The following OR4K1 variants were observed in gnomAD, a reference collection of about 807,000 sequenced individuals.
OR4K1 encodes olfactory receptor 4K1.
OR4K1 carries 16 observed loss-of-function variants against 14.4 expected under a neutral mutation model. The observed-to-expected ratio is 1.11, with a 90% confidence interval of 0.75 to 1.68. The LOEUF is 1.68. OR4K1 is among the 40% of genes most tolerant of loss of function. OR4K1 has a pLI of 0.00. For missense variants in OR4K1, 548 were observed against 376.9 expected (o/e 1.45, Z -3.76); for synonymous variants, 181 against 133.1 (o/e 1.36, Z -2.48).
At chr14:19,928,534 A>G (rs997405620), upstream of OR4K1, among the ~76,000 whole-genome samples, 7 of 152,006 alleles carry the variant, frequency 4.6e-5, no homozygotes, top group Non-Finnish European at 7.4e-5. Flanking sequence ...TAAAATTCCT[A>G]TTTGTTTATT....
At chr14:19,930,584 G>T (rs949172598), upstream of OR4K1, among the ~76,000 whole-genome samples, 2 of 152,208 alleles carry the variant, frequency 1.3e-5, no homozygotes, top group Non-Finnish European at 2.9e-5. Context: ...CTGAGGCGAG[G>T]TGATAATTTT....
At chr14:19,932,435 G>C (rs190593433) in intron 1 of OR4K1, among the ~76,000 whole-genome samples, 43 of 150,934 alleles carry the variant, frequency 2.8e-4, no homozygotes, top group African/African-American at 1.0e-3. Flanking sequence ...CTCCACTCCC[G>C]TGTAAATGCC....
the OR4K1 span, chr14:19,921,695 T>C: frequency 9.0e-7 from 1 of 1,106,488 alleles, no homozygotes; most frequent in Non-Finnish European, 1.3e-6. Context: ...GAACATTTAA[T>C]GAATATTAAC....
upstream of OR4K1, among the ~76,000 whole-genome samples, chr14:19,928,579 T>A (rs1882111405): frequency 6.6e-6 from 1 of 152,194 alleles, no homozygotes. Flanking sequence ...GGGTTTTTAT[T>A]TTTAATTGGG....
chr14:19,926,301 A>G (rs906088753), upstream of OR4K1, among the ~76,000 whole-genome samples: 2 of 152,226 alleles, frequency 1.3e-5, no homozygotes, highest in Non-Finnish European at 2.9e-5. Context: ...CTGAACATTT[A>G]TAGTTTGTTC....
chr14:19,928,893 T>G (rs1882120574), upstream of OR4K1, among the ~76,000 whole-genome samples: 1 of 152,138 alleles, frequency 6.6e-6, no homozygotes, highest in Non-Finnish European at 1.5e-5. Context: ...GGAATTAGTC[T>G]CATTGGTCAT....
chr14:19,933,233 T>A (rs892743135), intron 1 of OR4K1, among the ~76,000 whole-genome samples: 4 of 30,158 alleles, frequency 1.3e-4, no homozygotes, highest in African/African-American at 1.8e-4. Flanking sequence ...TGTAAAGGAT[T>A]TTTTTTTTGC....
At chr14:19,927,705 G>C (rs1219817919), upstream of OR4K1, among the ~76,000 whole-genome samples, 6 of 152,200 alleles carry the variant, frequency 3.9e-5, no homozygotes, top group Non-Finnish European at 2.9e-5. Context: ...CCATTTGGTG[G>C]CAAATCAACT....
At chr14:19,935,224 C>A (rs1371482807) in intron 1 of OR4K1, among the ~76,000 whole-genome samples, 1 of 152,018 alleles carries the variant, frequency 6.6e-6, no homozygotes, top group Non-Finnish European at 1.5e-5. Context: ...AAGACTTTTC[C>A]TTCACTTTTG....
chr14:19,921,406 T>C, the OR4K1 span: 1 of 1,614,180 alleles, frequency 6.2e-7, no homozygotes, highest in Non-Finnish European at 8.5e-7. Context: ...ATCTCTCCTT[T>C]GGATAAATTT....
chr14:19,935,755 T>A lies in OR4K1; in HGVS notation c.89T>A (p.Ile30Asn), dbSNP rs1220971156. 6 of 1,613,850 alleles carry A rather than the reference T, an allele frequency of 3.7e-6. No homozygotes were observed. The Admixed American group carries it at 6.7e-5, about 18-fold the overall frequency. The change falls in exon 2 of 2, where the codon ATC (isoleucine) becomes AAC (asparagine). Residue 30 changes from isoleucine (I) to asparagine (N), a missense_variant. Ile to Asn is a moderately radical substitution (Grantham distance 149, BLOSUM62 -3). Coordinates refer to ENST00000641172, the MANE Select transcript of OR4K1 (RefSeq NM_001004063.3). ...GGACTTCAACTTTTCTTTTTTGCCA[T>A]CTTCTCTATAGTCTATGTGACATCA... is the stretch of plus-strand genomic sequence containing the variant. ...SWGLQLFFFAIFSIVYVTSVL... is the reference protein window; with the variant it reads ...SWGLQLFFFANFSIVYVTSVL...
the OR4K1 span, among the ~76,000 whole-genome samples, chr14:19,922,142 GAT>G: frequency 2.0e-5 from 3 of 151,860 alleles, no homozygotes; most frequent in Non-Finnish European, 4.4e-5. Context: ...AATATGGAAT[GAT>G]ACATACTCAG....
At chr14:19,924,276 T>G in the OR4K1 span, among the ~76,000 whole-genome samples, 2 of 152,024 alleles carry the variant, frequency 1.3e-5, no homozygotes, top group Non-Finnish European at 2.9e-5. Context: ...GGCACATGCC[T>G]ATAGTCCCAG....
At chr14:19,925,494 T>G in the OR4K1 span, among the ~76,000 whole-genome samples, 1 of 152,290 alleles carries the variant, frequency 6.6e-6, no homozygotes, top group Non-Finnish European at 1.5e-5. Context: ...TTAGGGGATT[T>G]GTTTATGGTA....
At position 19,935,865 on chromosome 14, in the gene OR4K1, T is replaced by C. The variant is rs1566502926; in HGVS notation, c.199T>C (p.Ser67Pro). The stretch of plus-strand genomic sequence containing the variant: ...TATGTACTTCTTGCTCAGTAATCTT[T>C]CTTTCATTGATATCTGTCAGTCTAA... ...SPMYFLLSNL[S>P]FIDICQSNFA... is the part of the protein sequence containing the mutation. Residue 67 changes from serine to proline, a missense_variant, in exon 2 of 2, where the codon TCT (serine) becomes CCT (proline). By Grantham distance (74) the Ser-to-Pro change is moderately conservative (BLOSUM62 -1). Transcript: ENST00000641172. 1 of 1,614,274 alleles carries C rather than the reference T, an allele frequency of 6.2e-7. No individual in the cohort carries two copies. The highest frequency in any genetic ancestry group is 8.5e-7 in the Non-Finnish European group (1 of 1,180,052).
At chr14:19,929,359 CTGTGTGTGTG>C (rs59130422), upstream of OR4K1, among the ~76,000 whole-genome samples, 5,114 of 144,316 alleles carry the variant, frequency 0.035, 79 homozygotes, top group East Asian at 0.085. Context: ...ATATCACACT[CTGTGTGTGTG>C]TGTGTGTGTG....
chr14:19,923,724 A>C, the OR4K1 span, among the ~76,000 whole-genome samples: 1 of 152,236 alleles, frequency 6.6e-6, no homozygotes, highest in South Asian at 2.1e-4. Flanking sequence ...TGAAGAGTGT[A>C]TTAGTAAATC....
At chr14:19,934,559 T>G (rs1882259625) in intron 1 of OR4K1, among the ~76,000 whole-genome samples, 1 of 152,278 alleles carries the variant, frequency 6.6e-6, no homozygotes, top group South Asian at 2.1e-4. Flanking sequence ...TGTTAAAAGG[T>G]TGAAAGGAAG....
the OR4K1 span, chr14:19,921,121 A>G: frequency 6.2e-7 from 1 of 1,614,168 alleles, no homozygotes; most frequent in Non-Finnish European, 8.5e-7. Context: ...TGTGGACCTA[A>G]TGTAGTAGAC....
Sources: allele counts gnomAD v4.1 joint callset (sites outside exome capture counted in the v4.1 genomes callset), GRCh38; gene constraint gnomAD v4.1.1; transcripts MANE v1.5; gene names NCBI Gene and HGNC (gene_info 2026-07-23, HGNC 2026-07-21).